Variants in CHSY3 observed in about 807,000 individuals in gnomAD.
The protein encoded by CHSY3 is N-acetylgalactosaminyl-proteoglycan 3-beta-glucuronosyltransferase 3.
In CHSY3, 35 loss-of-function variants were observed where a neutral mutation model predicts 67.2. The ratio of observed to expected loss-of-function variants is 0.52; its 90% CI spans 0.40 to 0.69. The LOEUF is 0.69. Ranked by LOEUF, CHSY3 falls within the 30% of genes least tolerant of loss-of-function variation. The probability of loss-of-function intolerance (pLI) is 0.00; values close to 1 mark genes in which losing one functional copy is unlikely to be tolerated. For synonymous variants in CHSY3, 474 were observed against 434.7 expected (o/e 1.09, Z -1.12); for missense variants, 1,069 against 1,138.5 (o/e 0.94, Z 0.88).
chr5:130,008,690 A>G (rs150585097), intron 2 of CHSY3, among the ~76,000 whole-genome samples: 2 of 152,344 alleles, frequency 1.3e-5, no homozygotes, highest in Non-Finnish European at 2.9e-5. Context: ...AATTCAGGAG[A>G]AAGTTGAAAC....
intron 2 of CHSY3, among the ~76,000 whole-genome samples, chr5:129,947,964 T>C (rs1213826550): frequency 2.6e-5 from 4 of 152,180 alleles, no homozygotes. Context: ...TTATTTGTTT[T>C]TGGGCTATTC....
At chr5:129,968,922 A>G (rs1762548726) in intron 2 of CHSY3, among the ~76,000 whole-genome samples, 1 of 151,764 alleles carries the variant, frequency 6.6e-6, no homozygotes, top group Non-Finnish European at 1.5e-5. Flanking sequence ...ATAGAAGTGG[A>G]GCCTGGGAAT....
chr5:130,172,117 A>G (rs1348042252), intron 2 of CHSY3, among the ~76,000 whole-genome samples: 1 of 152,124 alleles, frequency 6.6e-6, no homozygotes, highest in East Asian at 1.9e-4. Flanking sequence ...GCCTGTGGTC[A>G]AAGGCAACCA....
intron 2 of CHSY3, among the ~76,000 whole-genome samples, chr5:130,121,743 G>T (rs1768033369): frequency 6.6e-6 from 1 of 152,156 alleles, no homozygotes; most frequent in South Asian, 2.1e-4. Context: ...ATTGGTGATA[G>T]AAAAACAATG....
chr5:129,960,040 A>G (rs1291015003), intron 2 of CHSY3, among the ~76,000 whole-genome samples: 1 of 152,120 alleles, frequency 6.6e-6, no homozygotes, highest in East Asian at 1.9e-4. Flanking sequence ...AGAGATGATG[A>G]TTTAATGAAG....
intron 2 of CHSY3, among the ~76,000 whole-genome samples, chr5:130,031,092 G>A (rs1032776498): frequency 3.3e-5 from 5 of 151,688 alleles, no homozygotes; most frequent in African/African-American, 1.2e-4. Flanking sequence ...CTCATTCCGA[G>A]TGGTATGAAA....
At chr5:130,184,200 A>G in intron 2 of CHSY3, 29 bp from the exon 3 acceptor site, 1 of 1,442,554 alleles carries the variant, frequency 6.9e-7, no homozygotes, top group Non-Finnish European at 9.1e-7. Flanking sequence ...TTTAAAATTA[A>G]CCCTGATTTT....
chr5:130,095,535 A>C (rs1050814125), intron 2 of CHSY3, among the ~76,000 whole-genome samples: 3 of 152,248 alleles, frequency 2.0e-5, no homozygotes, highest in African/African-American at 7.2e-5. Context: ...TGCCAATATA[A>C]AAAATTGAAT....
At chr5:130,003,339 A>G (rs1296313733) in intron 2 of CHSY3, among the ~76,000 whole-genome samples, 1 of 152,210 alleles carries the variant, frequency 6.6e-6, no homozygotes, top group Non-Finnish European at 1.5e-5. Context: ...CTGTTAAAGG[A>G]GCAATAGTTT....
At chr5:129,971,649 T>C (rs1312677517) in intron 2 of CHSY3, among the ~76,000 whole-genome samples, 1 of 151,942 alleles carries the variant, frequency 6.6e-6, no homozygotes, top group Non-Finnish European at 1.5e-5. Flanking sequence ...AGTTTCAGGG[T>C]CAAGTTTACC....
intron 2 of CHSY3, among the ~76,000 whole-genome samples, chr5:129,913,133 A>G (rs1218861682): frequency 1.3e-5 from 2 of 152,156 alleles, no homozygotes; most frequent in East Asian, 3.9e-4. Flanking sequence ...CACATAGAGT[A>G]TTTTAAGGTT....
intron 2 of CHSY3, among the ~76,000 whole-genome samples, chr5:129,966,936 T>A (rs1762484950): frequency 6.6e-6 from 1 of 151,876 alleles, no homozygotes. Context: ...GTCAAAGTAC[T>A]CCTTGTGTAG....
intron 2 of CHSY3, among the ~76,000 whole-genome samples, chr5:129,951,618 T>A (rs529811084): frequency 1.3e-5 from 2 of 152,318 alleles, no homozygotes; most frequent in South Asian, 4.1e-4. Flanking sequence ...ATCACATGGC[T>A]GTGGTGGGAA....
intron 2 of CHSY3, among the ~76,000 whole-genome samples, chr5:129,914,447 A>G (rs777926163): frequency 1.3e-5 from 2 of 152,214 alleles, no homozygotes; most frequent in Non-Finnish European, 2.9e-5. Context: ...ATTTTACTCA[A>G]TCATGAACAT....
At chr5:130,027,552 A>G (rs1764581910) in intron 2 of CHSY3, among the ~76,000 whole-genome samples, 1 of 152,024 alleles carries the variant, frequency 6.6e-6, no homozygotes, top group African/African-American at 2.4e-5. Context: ...TACATGTGCC[A>G]TGTTGGTGTG....
At chr5:130,091,135 C>CACACACAT (rs1554082151) in intron 2 of CHSY3, among the ~76,000 whole-genome samples, 1 of 113,040 alleles carries the variant, frequency 8.8e-6, no homozygotes, top group Admixed American at 9.8e-5. Flanking sequence ...CACACACACA[C>CACACACAT]GCACACGCGC....
At chr5:129,931,060 T>C (rs556013194) in intron 2 of CHSY3, among the ~76,000 whole-genome samples, 4 of 151,748 alleles carry the variant, frequency 2.6e-5, no homozygotes, top group Non-Finnish European at 5.9e-5. Flanking sequence ...TCATGCTAAC[T>C]GAATTTTTTT....
rs188071138 is a variant in CHSY3 at position 129,908,867 on chromosome 5, G to A, written c.1086+507G>A. 1.4e-3 allele frequency among the ~76,000 whole-genome samples: 207 copies of A among 152,152 alleles called. 1 individual carries two copies. Among genetic ancestry groups the A allele is most frequent in the Non-Finnish European group, 2.4e-4 (16 of 67,990 alleles). ...ACATATTTTTAAAAGTATCAGAAAA[G>A]TAAACTAATAGTGTATCATTTATGG... On this transcript the variant is annotated intron_variant, in intron 2 of 2. Transcript: ENST00000305031.
chr5:130,050,364 A>T (rs1765300182), intron 2 of CHSY3, among the ~76,000 whole-genome samples: 1 of 152,126 alleles, frequency 6.6e-6, no homozygotes, highest in Non-Finnish European at 1.5e-5. Flanking sequence ...GTTATTGATA[A>T]AGGGGTGCAT....
Sources: allele counts gnomAD v4.1 joint callset (sites outside exome capture counted in the v4.1 genomes callset), GRCh38; gene constraint gnomAD v4.1.1; transcripts MANE v1.5; gene names NCBI Gene and HGNC (gene_info 2026-07-23, HGNC 2026-07-21).